Variants in ERBB4 observed in about 807,000 individuals in gnomAD.
ERBB4 encodes erb-b2 receptor tyrosine kinase 4.
A neutral mutation model predicts 158.0 loss-of-function variants in ERBB4; 42 were observed. That is an observed-to-expected ratio of 0.27 (90% CI 0.21 to 0.34). ERBB4 has a LOEUF of 0.34. ERBB4 is among the 10% of genes least tolerant of loss of function. ERBB4 has a pLI of 1.00. For synonymous variants in ERBB4, 583 were observed against 558.7 expected, an observed-to-expected ratio of 1.04 and a Z score of -0.61; for missense variants, 1,333 against 1,624.1, an observed-to-expected ratio of 0.82 and a Z score of 3.08.
intron 1 of ERBB4, among the ~76,000 whole-genome samples, chr2:212,346,813 G>C (rs16848401): frequency 0.25 from 37,699 of 151,988 alleles, 4,973 homozygotes; most frequent in Non-Finnish European, 0.29. Context: ...ACTTAGGAAA[G>C]AATGGAAATA....
At chr2:211,442,278 A>T (rs2125455735) in intron 20 of ERBB4, among the ~76,000 whole-genome samples, 1 of 152,194 alleles carries the variant, frequency 6.6e-6, no homozygotes, top group Non-Finnish European at 1.5e-5. Context: ...CGTTTCTTAG[A>T]TCACAAATTA....
intron 20 of ERBB4, among the ~76,000 whole-genome samples, chr2:211,491,772 T>C (rs924468618): frequency 1.3e-5 from 2 of 152,064 alleles, no homozygotes; most frequent in Admixed American, 1.3e-4. Context: ...ACGTTTGAAA[T>C]GTTAATTGTT....
intron 1 of ERBB4, among the ~76,000 whole-genome samples, chr2:212,399,580 ATATATT>A (rs2091139859): frequency 9.8e-6 from 1 of 101,610 alleles, no homozygotes; most frequent in African/African-American, 4.3e-5. Flanking sequence ...ATATATATAT[ATATATT>A]GGGCGTGGTG....
chr2:212,030,281 C>T (rs1049812572), intron 2 of ERBB4, among the ~76,000 whole-genome samples: 1 of 152,082 alleles, frequency 6.6e-6, no homozygotes, highest in African/African-American at 2.4e-5. Flanking sequence ...CTTCTTCTAA[C>T]AGTATCCTGC....
intron 3 of ERBB4, among the ~76,000 whole-genome samples, chr2:211,803,099 C>T (rs1347694741): frequency 6.6e-6 from 1 of 152,200 alleles, no homozygotes; most frequent in Non-Finnish European, 1.5e-5. Context: ...ATTCCCTCAA[C>T]TTTGCTAATA....
intron 1 of ERBB4, among the ~76,000 whole-genome samples, chr2:212,144,216 A>C (rs773923939): frequency 2.8e-4 from 42 of 152,066 alleles, no homozygotes; most frequent in Admixed American, 2.6e-4. Context: ...TGATATGTAT[A>C]CTCACATTAA....
rs2125307370 is a variant in ERBB4 at position 211,383,584 on chromosome 2, T to C, written c.*31A>G. 6.4e-7 allele frequency: 1 copy of C among 1,572,910 alleles called. No individual in the cohort carries two copies. ...GGGGGTGGGGAAATTGGAGCAGGTG[T>C]GTCTCTCCACCTAAAAAACCACAAC... On this transcript the variant is annotated 3_prime_UTR_variant, in exon 28 of 28. Coordinates refer to ENST00000342788, the MANE Select transcript of ERBB4 (RefSeq NM_005235.3).
chr2:211,537,052 A>G (rs1303145888), intron 20 of ERBB4, among the ~76,000 whole-genome samples: 1 of 136,306 alleles, frequency 7.3e-6, no homozygotes, highest in Non-Finnish European at 1.6e-5. Flanking sequence ...ACTGCAAAAT[A>G]TTCAAACAAA....
intron 3 of ERBB4, among the ~76,000 whole-genome samples, chr2:211,942,393 G>A (rs1424157769): frequency 6.6e-6 from 1 of 151,102 alleles, no homozygotes; most frequent in African/African-American, 2.4e-5. Context: ...GTCCCTCTGT[G>A]CCATCCAGGC....
At chr2:211,845,900 T>C (rs1251586889) in intron 3 of ERBB4, among the ~76,000 whole-genome samples, 1 of 152,120 alleles carries the variant, frequency 6.6e-6, no homozygotes, top group Admixed American at 6.6e-5. Context: ...TGAGTGACAC[T>C]TAGGATTTGA....
chr2:211,608,852 A>G (rs548204492), intron 19 of ERBB4, among the ~76,000 whole-genome samples: 2 of 152,292 alleles, frequency 1.3e-5, no homozygotes, highest in African/African-American at 4.8e-5. Context: ...TTACATTAAT[A>G]TATTCAGTTA....
intron 19 of ERBB4, among the ~76,000 whole-genome samples, chr2:211,614,399 T>G (rs1319405824): frequency 1.3e-5 from 2 of 152,050 alleles, no homozygotes; most frequent in African/African-American, 4.8e-5. Context: ...TTGTGAATTT[T>G]AAGATGACTT....
chr2:211,390,560 G>A (rs1444467411), intron 25 of ERBB4, among the ~76,000 whole-genome samples: 1 of 152,194 alleles, frequency 6.6e-6, no homozygotes, highest in East Asian at 1.9e-4. Context: ...CAACTTACAA[G>A]TCATTCTTCA....
intron 2 of ERBB4, among the ~76,000 whole-genome samples, chr2:212,109,635 T>A (rs1043281339): frequency 6.6e-6 from 1 of 152,244 alleles, no homozygotes; most frequent in South Asian, 2.1e-4. Flanking sequence ...CTGTTGAATC[T>A]GTGCTGAGGA....
intron 1 of ERBB4, among the ~76,000 whole-genome samples, chr2:212,355,341 T>C (rs919252425): frequency 8.5e-5 from 13 of 152,052 alleles, no homozygotes; most frequent in Admixed American, 2.6e-4. Flanking sequence ...CATAATAAAC[T>C]TTAGAATGAG....
intron 3 of ERBB4, among the ~76,000 whole-genome samples, chr2:211,879,806 A>G (rs1391967326): frequency 2.0e-5 from 3 of 152,084 alleles, no homozygotes; most frequent in African/African-American, 7.2e-5. Flanking sequence ...TCAATCATAC[A>G]AAAGGGGAGC....
chr2:211,720,714 C>A (rs1479704641), intron 7 of ERBB4, among the ~76,000 whole-genome samples: 1 of 152,068 alleles, frequency 6.6e-6, no homozygotes, highest in African/African-American at 2.4e-5. Flanking sequence ...TTTTCATTAA[C>A]TTCTGTTATT....
At chr2:211,743,332 T>C (rs2074854940) in intron 5 of ERBB4, among the ~76,000 whole-genome samples, 1 of 152,148 alleles carries the variant, frequency 6.6e-6, no homozygotes, top group Non-Finnish European at 1.5e-5. Context: ...ATATGCCTTT[T>C]TCCCCCTCCT....
intron 25 of ERBB4, among the ~76,000 whole-genome samples, chr2:211,402,282 A>G (rs1032698558): frequency 6.6e-6 from 1 of 152,040 alleles, no homozygotes; most frequent in Non-Finnish European, 1.5e-5. Context: ...TCCTAAATTT[A>G]CTTATCCAAG....
Sources: allele counts gnomAD v4.1 joint callset (sites outside exome capture counted in the v4.1 genomes callset), GRCh38; gene constraint gnomAD v4.1.1; transcripts MANE v1.5; gene names NCBI Gene and HGNC (gene_info 2026-07-23, HGNC 2026-07-21).